Variants in CEP162 observed in about 807,000 individuals in gnomAD.
CEP162 encodes the protein centrosomal protein 162.
CEP162 carries 141 observed loss-of-function variants against 169.2 expected under a neutral mutation model. The observed-to-expected ratio is 0.83, with a 90% confidence interval of 0.73 to 0.96. The LOEUF (loss-of-function observed/expected upper bound fraction) is 0.96, where lower values mean the gene tolerates loss of function less well. Ranked by LOEUF, CEP162 falls within the 40% of genes least tolerant of loss-of-function variation. The pLI is 0.00. For missense variants in CEP162, 1,600 were observed against 1,587.2 expected (o/e 1.01, Z -0.14); for synonymous variants, 540 against 526.4 (o/e 1.03, Z -0.35).
chr6:84,203,215 C>G (rs886670131), intron 7 of CEP162, among the ~76,000 whole-genome samples: 6 of 152,146 alleles, frequency 3.9e-5, no homozygotes, highest in African/African-American at 7.2e-5. Context: ...TGAAGCACCA[C>G]TGAATGTGAA....
chr6:84,193,760 A>C, intron 10 of CEP162, 70 bp from the exon 11 acceptor site: 1 of 804,586 alleles, frequency 1.2e-6, no homozygotes, highest in Non-Finnish European at 2.0e-6. Context: ...GTGTAATAAC[A>C]CCAAAATTAT....
chr6:84,146,620 AAATATG>A (rs2099518993), intron 25 of CEP162, 61 bp downstream of exon 25: 7 of 688,030 alleles, frequency 1.0e-5, no homozygotes, highest in Non-Finnish European at 1.7e-5. Context: ...AAAAATTTAT[AAATATG>A]AATATGATTG....
chr6:84,213,212 C>T (rs571314915), intron 5 of CEP162, among the ~76,000 whole-genome samples, 188 bp from the exon 6 acceptor site: 1 of 152,212 alleles, frequency 6.6e-6, no homozygotes, highest in South Asian at 2.1e-4. Context: ...ATCTTCGAAG[C>T]ATTTGATTAA....
Position 84,175,354 on chromosome 6 carries a change from A to G in CEP162, c.1664-7T>C, listed in dbSNP as rs921972722. On this transcript the variant is annotated splice_region_variant and splice_polypyrimidine_tract_variant and intron_variant, in intron 13 of 26. Coordinates refer to ENST00000403245, the MANE Select transcript of CEP162 (RefSeq NM_014895.4). ...TTTGTTCCAGATAAGATTTCTAAATATTATAAACAATGTATAAATGCACCA... is the reference window on the plus strand; with the variant it reads ...TTTGTTCCAGATAAGATTTCTAAATGTTATAAACAATGTATAAATGCACCA... The G allele has an allele frequency of 1.2e-4, 187 of 1,522,694 alleles. 1 individual carries two copies. Among genetic ancestry groups the G allele is most frequent in the Non-Finnish European group, 1.6e-4 (182 of 1,128,424 alleles). The allele number at this position is 1,522,694 out of a possible 1,614,324, so 94.3% of individuals were successfully genotyped here.
intron 6 of CEP162, among the ~76,000 whole-genome samples, chr6:84,207,089 G>A (rs898709209): frequency 2.6e-5 from 4 of 152,222 alleles, no homozygotes; most frequent in Non-Finnish European, 5.9e-5. Flanking sequence ...TGGAGAGGAT[G>A]TGGAGAAACA....
intron 13 of CEP162, among the ~76,000 whole-genome samples, chr6:84,180,582 G>A (rs9885772): frequency 0.25 from 36,771 of 150,050 alleles, 10,520 homozygotes; most frequent in African/African-American, 0.68. Context: ...ACATGATTGT[G>A]TATTTAGAAT....
chr6:84,196,226 C>T lies in CEP162; in HGVS notation c.836-1151G>A, dbSNP rs150835667. Among the ~76,000 whole-genome samples the T allele has an allele frequency of 5.4e-3, 822 of 152,238 alleles. 6 individuals carry two copies. Among genetic ancestry groups the T allele is most frequent in the African/African-American group, 0.018 (754 of 41,544 alleles). On this transcript the variant is annotated intron_variant, in intron 9 of 26. Transcript: ENST00000403245. ...TCTGTGTTGTTCTCATGATAGTGAA[C>T]GAGTCTCATGAGATCTGATGGTTTT...
chr6:84,127,475 T>C (rs2099509407), intron 25 of CEP162, among the ~76,000 whole-genome samples: 1 of 152,108 alleles, frequency 6.6e-6, no homozygotes, highest in Non-Finnish European at 1.5e-5. Context: ...ATAATTGGGA[T>C]GGTTTGCAGA....
rs1350476578 is a variant in CEP162, at chr6:84,161,814, C to G, written c.2608G>C (p.Glu870Gln). ...KRLQWYAENQ[E>Q]LLDKDALRLR... ...CGAAGTGCATCTTTATCCAGAAGTT[C>G]CTGATTTTCAGCATACCACTGTAAT... The change falls in exon 20 of 27, where the codon GAA becomes CAA. Residue 870 changes from glutamate to glutamine, a missense_variant. Coordinates refer to ENST00000403245, the MANE Select transcript of CEP162 (RefSeq NM_014895.4). 1.2e-6 allele frequency: 2 copies of G among 1,602,082 alleles called. No individual in the cohort carries two copies. The highest frequency in any genetic ancestry group is 1.7e-5 in the Admixed American group (1 of 58,510).
chr6:84,159,519 T>TATATATATA (rs2099524601), intron 21 of CEP162, among the ~76,000 whole-genome samples: 1 of 104,360 alleles, frequency 9.6e-6, no homozygotes, highest in African/African-American at 4.2e-5. Flanking sequence ...TTAAAATTAA[T>TATATATATA]TATTTATATA....
At chr6:84,179,858 A>G (rs1319921125) in intron 13 of CEP162, among the ~76,000 whole-genome samples, 1 of 152,196 alleles carries the variant, frequency 6.6e-6, no homozygotes, top group Non-Finnish European at 1.5e-5. Flanking sequence ...TTAATAGCCT[A>G]CCAACCAAAA....
intron 24 of CEP162, among the ~76,000 whole-genome samples, chr6:84,148,851 T>C (rs779417048): frequency 1.1e-4 from 17 of 152,134 alleles, no homozygotes; most frequent in Non-Finnish European, 1.6e-4. Flanking sequence ...TTTTCTTGGA[T>C]ATACCATTTG....
intron 25 of CEP162, among the ~76,000 whole-genome samples, chr6:84,145,677 T>C (rs1399854067): frequency 1.3e-5 from 2 of 152,128 alleles, no homozygotes; most frequent in Admixed American, 1.3e-4. Flanking sequence ...TTGGAATCAC[T>C]AAAACATTTA....
chr6:84,186,019 C>T (rs1326848565), intron 12 of CEP162, among the ~76,000 whole-genome samples: 1 of 152,076 alleles, frequency 6.6e-6, no homozygotes. Context: ...AAAGACTGAA[C>T]AGTGCATACT....
intron 25 of CEP162, among the ~76,000 whole-genome samples, chr6:84,132,970 T>C (rs139221280): frequency 5.3e-5 from 8 of 152,276 alleles, no homozygotes; most frequent in African/African-American, 1.9e-4. Flanking sequence ...TCTGCTCTGT[T>C]TTCTCCCCAT....
intron 25 of CEP162, among the ~76,000 whole-genome samples, chr6:84,134,919 TACACACACAC>T (rs35312098): frequency 1.5e-3 from 227 of 148,362 alleles, no homozygotes; most frequent in African/African-American, 4.9e-3. Flanking sequence ...AGATCATATA[TACACACACAC>T]ACACACACAC....
At chr6:84,172,722 A>C (rs749333853) in intron 16 of CEP162, among the ~76,000 whole-genome samples, 1 of 152,314 alleles carries the variant, frequency 6.6e-6, no homozygotes, top group Non-Finnish European at 1.5e-5. Context: ...ATTCAGTTAC[A>C]GCAAACATTG....
intron 6 of CEP162, among the ~76,000 whole-genome samples, chr6:84,210,211 T>C (rs923465788): frequency 6.6e-6 from 1 of 152,210 alleles, no homozygotes; most frequent in African/African-American, 2.4e-5. Flanking sequence ...AAAAATGTTA[T>C]TTTGAGAAAT....
At chr6:84,203,924 G>T in intron 7 of CEP162, 57 bp downstream of exon 7, 2 of 986,726 alleles carry the variant, frequency 2.0e-6, no homozygotes, top group Non-Finnish European at 1.5e-6. Context: ...ATAGCAATAG[G>T]CAGCCAGGTT....
Sources: allele counts gnomAD v4.1 joint callset (sites outside exome capture counted in the v4.1 genomes callset), GRCh38; gene constraint gnomAD v4.1.1; transcripts MANE v1.5; gene names NCBI Gene and HGNC (gene_info 2026-07-23, HGNC 2026-07-21).